Variants in DENND5A observed in about 807,000 individuals in gnomAD.
DENND5A encodes DENN domain containing 5A.
In DENND5A, 64 loss-of-function variants were observed where a neutral mutation model predicts 140.3. The ratio of observed to expected loss-of-function variants is 0.46; its 90% confidence interval spans 0.37 to 0.56. DENND5A has a LOEUF of 0.56. Ranked by LOEUF, DENND5A falls within the 20% of genes least tolerant of loss-of-function variation. The probability of loss-of-function intolerance (pLI) is 0.00; values close to 1 mark genes in which losing one functional copy is unlikely to be tolerated. For missense variants in DENND5A, 1,292 were observed against 1,593.8 expected, an observed-to-expected ratio of 0.81 and a Z score of 3.22; for synonymous variants, 605 against 607.7, an observed-to-expected ratio of 1.00 and a Z score of 0.07.
intron 6 of DENND5A, among the ~76,000 whole-genome samples, chr11:9,180,559 C>T (rs1297694272): frequency 2.6e-5 from 4 of 152,178 alleles, no homozygotes; most frequent in Middle Eastern, 3.2e-3. Flanking sequence ...ATGTTCAAAG[C>T]GGAAGCTACT....
At chr11:9,169,983 A>G (rs764788786) in intron 9 of DENND5A, 34 bp from the exon 10 acceptor site, 1 of 1,448,202 alleles carries the variant, frequency 6.9e-7, no homozygotes, top group East Asian at 2.3e-5. Flanking sequence ...GGCAATTAAT[A>G]ATGTCTCACT....
intron 1 of DENND5A, among the ~76,000 whole-genome samples, chr11:9,228,659 C>T (rs1850633284): frequency 6.6e-6 from 1 of 150,820 alleles, no homozygotes; most frequent in Non-Finnish European, 1.5e-5. Context: ...GCAGAGGTTG[C>T]AGTGAGCCGA....
chr11:9,217,110 A>T (rs1046373727), intron 1 of DENND5A, among the ~76,000 whole-genome samples: 1 of 152,198 alleles, frequency 6.6e-6, no homozygotes, highest in South Asian at 2.1e-4. Context: ...AATACAATGG[A>T]ACATTATTCA....
chr11:9,144,009 G>C, intron 19 of DENND5A, 88 bp downstream of exon 19: 1 of 1,471,284 alleles, frequency 6.8e-7, no homozygotes, highest in Non-Finnish European at 9.1e-7. Context: ...CACAGGCTGG[G>C]ACCCAGGTTC....
At chr11:9,217,866 T>C (rs1050552300) in intron 1 of DENND5A, among the ~76,000 whole-genome samples, 4 of 152,270 alleles carry the variant, frequency 2.6e-5, no homozygotes, top group Admixed American at 6.5e-5. Flanking sequence ...AAGTATCTTT[T>C]CCCACACACA....
At chr11:9,206,857 G>A (rs1849707899) in intron 2 of DENND5A, 75 bp from the exon 3 acceptor site, 1 of 1,088,038 alleles carries the variant, frequency 9.2e-7, no homozygotes, top group Non-Finnish European at 1.4e-6. Flanking sequence ...GTCTGAGCTT[G>A]GTAGTCCAGC....
rs752413334 is a variant in DENND5A, at chr11:9,215,550, C to CCTTT, written c.110-7919_110-7918insAAAG. ...AGTCTAAGAAACCCAATCCTGTGTT[C>CCTTT]TTTTTTTTTTTTTTTGAGATGGAGT... On this transcript the variant is annotated intron_variant, in intron 1 of 22. Transcript: ENST00000328194. Among the ~76,000 whole-genome samples the CCTTT allele has an allele frequency of 5.7e-5, 8 of 140,524 alleles. 1 individual carries two copies. The highest frequency in any genetic ancestry group is 7.6e-5 in the Non-Finnish European group (5 of 65,602). 92.2% of individuals were successfully genotyped at this position (140,524 alleles called of 152,430 possible).
At chr11:9,217,375 G>A (rs960300539) in intron 1 of DENND5A, among the ~76,000 whole-genome samples, 3 of 152,060 alleles carry the variant, frequency 2.0e-5, no homozygotes, top group Non-Finnish European at 4.4e-5. Context: ...TTAGCCAGGC[G>A]TGGTGGGGCA....
chr11:9,199,896 A>G (rs1362759206), intron 4 of DENND5A, among the ~76,000 whole-genome samples: 1 of 152,228 alleles, frequency 6.6e-6, no homozygotes, highest in East Asian at 1.9e-4. Flanking sequence ...CAAAAAGCAT[A>G]ATTTACATCC....
intron 10 of DENND5A, among the ~76,000 whole-genome samples, chr11:9,167,279 C>T (rs1382077624): frequency 6.6e-6 from 1 of 151,830 alleles, no homozygotes; most frequent in African/African-American, 2.4e-5. Flanking sequence ...CTACTACCAA[C>T]CCCCCAAGGT....
chr11:9,150,047 G>A lies in DENND5A; in HGVS notation c.2735+34C>T, dbSNP rs199810820. On this transcript the variant is annotated intron_variant, in intron 15 of 22. Coordinates refer to ENST00000328194, the MANE Select transcript of DENND5A (RefSeq NM_015213.4). ...TCCAATCTCTTCCCTCCATTCCTGGGAGCCTGCTTCTACTCCTGGCGGAGC... is the reference window on the plus strand; with the variant it reads ...TCCAATCTCTTCCCTCCATTCCTGGAAGCCTGCTTCTACTCCTGGCGGAGC... The A allele has an allele frequency of 2.0e-4, 320 of 1,588,380 alleles. No homozygotes were observed. In the South Asian group the frequency reaches 3.0e-3, roughly 15 times the overall value.
At chr11:9,156,173 A>G (rs1847794876) in intron 12 of DENND5A, among the ~76,000 whole-genome samples, 1 of 152,182 alleles carries the variant, frequency 6.6e-6, no homozygotes, top group African/African-American at 2.4e-5. Flanking sequence ...TAGGAACCCA[A>G]CATAGATCAT....
At chr11:9,186,608 TAAAACTCCAA>T (rs1246732191) in intron 5 of DENND5A, among the ~76,000 whole-genome samples, 1 of 152,238 alleles carries the variant, frequency 6.6e-6, no homozygotes, top group Admixed American at 6.5e-5. Flanking sequence ...AAAGAATCTT[TAAAACTCCAA>T]ATGCTGTGTC....
chr11:9,157,394 A>G (rs1847845646), intron 12 of DENND5A, among the ~76,000 whole-genome samples: 1 of 152,228 alleles, frequency 6.6e-6, no homozygotes, highest in Admixed American at 6.5e-5. Flanking sequence ...TAAACTGCGT[A>G]TCACAGGGGT....
chr11:9,248,317 T>A (rs1483693320), intron 1 of DENND5A, among the ~76,000 whole-genome samples: 1 of 152,048 alleles, frequency 6.6e-6, no homozygotes, highest in Non-Finnish European at 1.5e-5. Flanking sequence ...GTTTCTTTTG[T>A]CAGTCTTATG....
chr11:9,184,142 G>A (rs1848825437), intron 5 of DENND5A, among the ~76,000 whole-genome samples: 1 of 151,994 alleles, frequency 6.6e-6, no homozygotes, highest in Non-Finnish European at 1.5e-5. Flanking sequence ...CACAAGGTCA[G>A]GAGATAGAGA....
At chr11:9,187,792 G>A (rs1187930646) in intron 5 of DENND5A, among the ~76,000 whole-genome samples, 1 of 152,152 alleles carries the variant, frequency 6.6e-6, no homozygotes, top group Admixed American at 6.5e-5. Flanking sequence ...GCCTCACAAA[G>A]GCAGCTCAGT....
At chr11:9,142,172 G>A (rs1847268284) in intron 21 of DENND5A, 64 bp from the exon 22 acceptor site, 1 of 1,405,864 alleles carries the variant, frequency 7.1e-7, no homozygotes, top group Non-Finnish European at 9.6e-7. Flanking sequence ...CGGTCCTACA[G>A]GCCACTTGCC....
At chr11:9,209,700 CA>C (rs1208074795) in intron 1 of DENND5A, among the ~76,000 whole-genome samples, 3 of 152,176 alleles carry the variant, frequency 2.0e-5, no homozygotes, top group African/African-American at 7.2e-5. Flanking sequence ...ATTCTCATTT[CA>C]GCCGCTCTAC....
Sources: allele counts gnomAD v4.1 joint callset (sites outside exome capture counted in the v4.1 genomes callset), GRCh38; gene constraint gnomAD v4.1.1; transcripts MANE v1.5; gene names NCBI Gene and HGNC (gene_info 2026-07-23, HGNC 2026-07-21).